Variants in UPF1 observed in about 807,000 individuals in gnomAD.
UPF1 encodes regulator of nonsense transcripts 1.
In UPF1, 9 loss-of-function variants were observed where a neutral mutation model predicts 129.2. The observed-to-expected ratio is 0.07, with a 90% CI of 0.04 to 0.12. The LOEUF (loss-of-function observed/expected upper bound fraction) is 0.12. Among genes scored for constraint, UPF1 ranks in the 10% least tolerant of loss-of-function variants. The probability of loss-of-function intolerance (pLI) is 1.00; values close to 1 mark genes in which losing one functional copy is unlikely to be tolerated. For missense variants in UPF1, 788 were observed against 1,525.3 expected, an observed-to-expected ratio of 0.52 and a Z score of 8.05; for synonymous variants, 649 against 644.9, an observed-to-expected ratio of 1.01 and a Z score of -0.10.
At chr19:18,835,373 G>A (rs527934989) in intron 1 of UPF1, among the ~76,000 whole-genome samples, 11 of 151,236 alleles carry the variant, frequency 7.3e-5, no homozygotes, top group Admixed American at 5.3e-4. Context: ...ACAGAGTCTC[G>A]CTCTGTTGCC....
rs770207417 is a variant in UPF1 at position 18,860,837 on chromosome 19, C to A, written c.2312C>A (p.Ala771Glu). ...CCTGGGTTTCTTAGGACCGAGGCTG[C>A]GAACGTGGAGAAGATCACCACGAAG... ...GTSYLNRTEAANVEKITTKLL... is the reference protein window; with the variant it reads ...GTSYLNRTEAENVEKITTKLL... Residue 771 changes from alanine to glutamate, a missense_variant, in exon 17 of 24, where the codon GCG becomes GAG. Transcript: ENST00000262803. 1 of 1,612,220 alleles carries A rather than the reference C, an allele frequency of 6.2e-7. No individual in the cohort carries two copies. The highest frequency in any genetic ancestry group is 8.5e-7 in the Non-Finnish European group (1 of 1,179,602).
intron 17 of UPF1, among the ~76,000 whole-genome samples, chr19:18,861,549 C>A (rs7251329): frequency 0.14 from 20,868 of 152,218 alleles, 1,765 homozygotes; most frequent in Non-Finnish European, 0.19. Flanking sequence ...TAAAAGAGAA[C>A]AGGCTAGGTG....
chr19:18,854,632 G>A lies in UPF1; in HGVS notation c.1188G>A (p.Arg396=). The change falls in exon 9 of 24, where the codon CGG becomes CGA. Residue 396 remains arginine (R), a synonymous_variant. Coordinates refer to ENST00000262803, the MANE Select transcript of UPF1 (RefSeq NM_002911.4). ...NYGDEIAIEL[R]SSVGAPVEVT... ...GCGATGAGATCGCCATTGAGCTGCGGAGCAGCGTGGGTGCACCTGTGGAGG... is the reference window on the plus strand; with the variant it reads ...GCGATGAGATCGCCATTGAGCTGCGAAGCAGCGTGGGTGCACCTGTGGAGG... 6.2e-7 allele frequency: 1 copy of A among 1,614,016 alleles called. No homozygotes were observed. Among genetic ancestry groups the A allele is most frequent in the Non-Finnish European group, 8.5e-7 (1 of 1,179,930 alleles).
chr19:18,864,148 T>C (rs1163188001), intron 19 of UPF1, 22 bp from the exon 20 acceptor site: 1 of 1,610,898 alleles, frequency 6.2e-7, no homozygotes, highest in African/African-American at 1.3e-5. Context: ...GACAAATTCC[T>C]CACCTATCTA....
At chr19:18,848,016 C>A in intron 3 of UPF1, 183 bp downstream of exon 3, 1 of 562,128 alleles carries the variant, frequency 1.8e-6, no homozygotes, top group Non-Finnish European at 3.2e-6. Context: ...ATGTATTTAC[C>A]CTTGATTTAT....
chr19:18,852,330 G>A (rs549507276), intron 6 of UPF1, 34 bp downstream of exon 6: 1 of 1,607,352 alleles, frequency 6.2e-7, no homozygotes, highest in Non-Finnish European at 8.5e-7. Context: ...CCTGGGGTGG[G>A]CTCTGGCTCT....
intron 3 of UPF1, among the ~76,000 whole-genome samples, chr19:18,848,736 T>TG (rs2055626315): frequency 6.6e-6 from 1 of 152,050 alleles, no homozygotes; most frequent in Admixed American, 6.5e-5. Flanking sequence ...TATGGTGTTA[T>TG]GAGCAAGGCC....
At chr19:18,864,058 C>T (rs2055811685) in intron 19 of UPF1, 112 bp from the exon 20 acceptor site, 1 of 912,398 alleles carries the variant, frequency 1.1e-6, no homozygotes, top group Non-Finnish European at 1.8e-6. Context: ...GCCCCTGGCA[C>T]AGTGTCAACA....
In UPF1 at chr19:18,853,957, C is replaced by T. The variant is rs1443315565; in HGVS notation, c.1156+607C>T. On this transcript the variant is annotated intron_variant, in intron 8 of 23. Coordinates refer to ENST00000262803, the MANE Select transcript of UPF1 (RefSeq NM_002911.4). This position sits in a 1 kb window ranked among gnomAD's most constrained non-coding sequence, Gnocchi z 4.4. Reference sequence around the variant, plus strand: ...ATGCTGCTGGGGCCTGACCATTCAGCGGTGGCCTCCACAGGGGTAGGGAGA... The same window carrying T: ...ATGCTGCTGGGGCCTGACCATTCAGTGGTGGCCTCCACAGGGGTAGGGAGA... Among the ~76,000 whole-genome samples, 5 of 152,134 alleles carry T rather than the reference C, an allele frequency of 3.3e-5. No individual in the cohort carries two copies. The highest frequency in any genetic ancestry group is 6.5e-5 in the Admixed American group (1 of 15,272).
intron 1 of UPF1, among the ~76,000 whole-genome samples, chr19:18,845,571 AG>A (rs1167745773): frequency 6.6e-6 from 1 of 152,162 alleles, no homozygotes; most frequent in Non-Finnish European, 1.5e-5. Context: ...CATGGGTGGC[AG>A]CTTCGTAGTG....
At chr19:18,848,205 G>T in intron 3 of UPF1, 1 of 244,424 alleles carries the variant, frequency 4.1e-6, no homozygotes. Flanking sequence ...GCTTGCTCTG[G>T]CCTGAGCTCA....
Position 18,832,393 on chromosome 19 carries a change from CCGGGCGGCGCGGGCG to C in UPF1, c.191_205del (p.Gly64_Gly68del). The C allele has an allele frequency of 9.5e-7, 1 of 1,057,248 alleles. No homozygotes were observed. The highest frequency in any genetic ancestry group is 6.7e-5 in the East Asian group (1 of 14,868). The allele number at this position is 1,057,248 out of a possible 1,614,324, so 65.5% of individuals were successfully genotyped here. A position where few individuals can be genotyped will look rare whatever the true frequency, so the allele number is the denominator to read the frequency against. On this transcript the variant is annotated inframe_deletion, in exon 1 of 24. Coordinates refer to ENST00000262803, the MANE Select transcript of UPF1 (RefSeq NM_002911.4). The surrounding 1 kb of genome is among the most constrained non-coding windows in gnomAD (Gnocchi z 5.6). ...CCCGGGCGGTGGCGGCGCGGGAGGC[CCGGGCGGCGCGGGCG>C]CGGGCGCTGCGGCGGGACAGCTCGA...
intron 1 of UPF1, among the ~76,000 whole-genome samples, chr19:18,835,459 A>T (rs1040694945): frequency 5.3e-5 from 8 of 151,988 alleles, no homozygotes; most frequent in African/African-American, 1.9e-4. Flanking sequence ...CTCCTGCCTC[A>T]GCCTCCCCAG....
In UPF1 at chr19:18,860,423, C is replaced by T; in HGVS notation, c.2285C>T (p.Thr762Ile). The change falls in exon 16 of 24, where the codon ACC becomes ATC. Residue 762 changes from threonine (T) to isoleucine (I), a missense_variant. By Grantham distance (89) the Thr-to-Ile change is moderately conservative (BLOSUM62 -1). Around this residue, in one of 6 missense-constraint regions of UPF1, gnomAD observed 140 missense variants for 385.9 expected, o/e 0.36. Transcript: ENST00000262803. ...CAAGAGGAGATTGCCAGCTCGGGCA[C>T]CTCCTACCTGAACAGGTGAGCAGGG... is the stretch of plus-strand genomic sequence containing the variant. ...QGQEEIASSG[T>I]SYLNRTEAAN... The T allele has an allele frequency of 6.2e-7, 1 of 1,614,094 alleles. No homozygotes were observed. The highest frequency in any genetic ancestry group is 8.5e-7 in the Non-Finnish European group (1 of 1,180,020).
chr19:18,852,645 C>G (rs1325187283), intron 6 of UPF1, among the ~76,000 whole-genome samples: 1 of 145,800 alleles, frequency 6.9e-6, no homozygotes, highest in Non-Finnish European at 1.5e-5. Flanking sequence ...CTCCCTCCCT[C>G]CCCTCCTCTT....
Position 18,832,350 on chromosome 19 carries a change from C to A in UPF1, c.141C>A (p.Pro47=), listed in dbSNP as rs762955859. 17 of 1,339,900 alleles carry A rather than the reference C, an allele frequency of 1.3e-5. No individual in the cohort carries two copies. The South Asian group carries it at 2.7e-4, about 21-fold the overall frequency. The allele number at this position is 1,339,900 out of a possible 1,614,324, so 83.0% of individuals were successfully genotyped here. The change falls in exon 1 of 24, where the codon CCC becomes CCA. Residue 47 remains proline (P), a synonymous_variant. Transcript: ENST00000262803. This position sits in a 1 kb window ranked among gnomAD's most constrained non-coding sequence, Gnocchi z 5.6. ...DFTLPSQTQT[P]PGGPGGPGGG... is the part of the protein sequence containing the mutation. ...CTCTTCCTAGCCAGACGCAGACGCCCCCCGGCGGCCCCGGCGGCCCGGGCG... is the reference window on the plus strand; with the variant it reads ...CTCTTCCTAGCCAGACGCAGACGCCACCCGGCGGCCCCGGCGGCCCGGGCG...
chr19:18,846,422 A>G (rs529394179), intron 2 of UPF1, among the ~76,000 whole-genome samples: 25 of 152,056 alleles, frequency 1.6e-4, no homozygotes, highest in African/African-American at 5.8e-4. Context: ...CACTCATAGA[A>G]AGAATTTGTC....
chr19:18,849,440 G>A (rs2055634360), intron 3 of UPF1: 1 of 155,954 alleles, frequency 6.4e-6, no homozygotes, highest in Admixed American at 6.3e-5. Context: ...CCCAGACCGC[G>A]GTTTAGGTGA....
intron 13 of UPF1, among the ~76,000 whole-genome samples, chr19:18,856,528 G>A (rs1462525185): frequency 6.6e-6 from 1 of 152,144 alleles, no homozygotes; most frequent in East Asian, 1.9e-4. Context: ...ACTGGGATCC[G>A]GCAGTGGATC....
Sources: gnomAD v4.1 joint callset for allele counts (sites outside exome capture counted in the v4.1 genomes callset) on GRCh38, gnomAD v4.1.1 for gene constraint, gnomAD v4.1.1 regional missense constraint, Gnocchi (gnomAD v3.1) non-coding constraint, MANE v1.5 for transcripts, NCBI Gene and HGNC (gene_info 2026-07-23, HGNC 2026-07-21) for gene names.